UGT2B15: variants seen among roughly 807,000 people sequenced by gnomAD.
UGT2B15 encodes the protein UDP-glucuronosyltransferase 2B15.
Under a neutral mutation model 45.9 loss-of-function variants are expected in UGT2B15, and 36 were observed. The observed-to-expected ratio is 0.78, with a 90% confidence interval of 0.60 to 1.04. The LOEUF (loss-of-function observed/expected upper bound fraction) is 1.04. UGT2B15 is among the 50% of genes least tolerant of loss of function. The pLI, the probability that UGT2B15 is intolerant of heterozygous loss-of-function variation, is 0.00. For missense variants in UGT2B15, 617 were observed against 622.4 expected, an observed-to-expected ratio of 0.99 and a Z score of 0.09; for synonymous variants, 219 against 216.4, an observed-to-expected ratio of 1.01 and a Z score of -0.11.
At chr4:68,668,300 A>G in intron 1 of UGT2B15, 112 bp from the exon 2 acceptor site, 4 of 1,490,170 alleles carry the variant, frequency 2.7e-6, no homozygotes, top group Non-Finnish European at 3.6e-6. Context: ...ACATATATAA[A>G]ATGTCTGTGC....
chr4:68,651,900 T>A (rs961464288), intron 5 of UGT2B15, among the ~76,000 whole-genome samples: 4 of 152,118 alleles, frequency 2.6e-5, no homozygotes, highest in African/African-American at 9.7e-5. Context: ...TTTTTTCTAA[T>A]TCTGTGAGGA....
At chr4:68,668,338 A>C (rs1441405457) in intron 1 of UGT2B15, 150 bp from the exon 2 acceptor site, 2 of 1,145,924 alleles carry the variant, frequency 1.7e-6, no homozygotes, top group African/African-American at 1.6e-5. Flanking sequence ...AAATACATTT[A>C]TATATAGTCA....
chr4:68,660,723 C>A (rs1198249823), intron 3 of UGT2B15, among the ~76,000 whole-genome samples: 5 of 152,024 alleles, frequency 3.3e-5, no homozygotes, highest in South Asian at 4.1e-4. Context: ...CATGGCGACA[C>A]GTCTTCAAAA....
intron 5 of UGT2B15, among the ~76,000 whole-genome samples, chr4:68,649,810 A>G (rs11249489): frequency 0.49 from 73,937 of 151,550 alleles, 21,117 homozygotes; most frequent in Non-Finnish European, 0.64. Context: ...TAATGTGAGT[A>G]CTGGTAGGTT....
chr4:68,662,987 A>G, intron 3 of UGT2B15, 21 bp downstream of exon 3: 1 of 1,350,580 alleles, frequency 7.4e-7, no homozygotes, highest in Non-Finnish European at 1.0e-6. Flanking sequence ...AGCCATCCAC[A>G]GTTAAGGCAC....
rs149826166 is a variant in UGT2B15, at chr4:68,659,408, T to C, written c.1005+3600A>G. On this transcript the variant is annotated intron_variant, in intron 3 of 5. Coordinates refer to ENST00000338206, the MANE Select transcript of UGT2B15 (RefSeq NM_001076.4). ...AACATCCAAAAATGACATAATTTGG[T>C]TTATTTTGTATAAAAATTATACAGG... 5.7e-3 allele frequency among the ~76,000 whole-genome samples: 868 copies of C among 152,078 alleles called. 12 individuals carry two copies. Among genetic ancestry groups the C allele is most frequent in the African/African-American group, 0.019 (808 of 41,516 alleles).
chr4:68,654,132 G>A lies in UGT2B15; in HGVS notation c.1218C>T (p.His406=), dbSNP rs757986948. The A allele has an allele frequency of 1.2e-6, 2 of 1,613,662 alleles. No individual in the cohort carries two copies. Among genetic ancestry groups the A allele is most frequent in the Non-Finnish European group, 1.7e-6 (2 of 1,179,726 alleles). Residue 406 remains histidine (H), a synonymous_variant, in exon 5 of 6, where the codon CAC becomes CAT. Transcript: ENST00000338206. Reference sequence around the variant, plus strand: ...TGAGGGCTGCTCCCTTGGCTTTCATGTGAGCAATGTTATCATGTTGATCCG... The same window carrying A: ...TGAGGGCTGCTCCCTTGGCTTTCATATGAGCAATGTTATCATGTTGATCCG... The part of the protein sequence containing the change: ...LFADQHDNIA[H]MKAKGAALSV...
chr4:68,664,865 G>A (rs1733075542), intron 2 of UGT2B15, among the ~76,000 whole-genome samples: 1 of 152,006 alleles, frequency 6.6e-6, no homozygotes, highest in African/African-American at 2.4e-5. Flanking sequence ...TGCCTGGCCT[G>A]ACATCAGTTT....
chr4:68,660,949 G>A (rs1227813571), intron 3 of UGT2B15, among the ~76,000 whole-genome samples: 1 of 151,726 alleles, frequency 6.6e-6, no homozygotes, highest in African/African-American at 2.4e-5. Flanking sequence ...TAATTTTCAA[G>A]GATTTTTCTT....
At chr4:68,647,414 A>T (rs746921127) in intron 5 of UGT2B15, 31 bp from the exon 6 acceptor site, 5 of 1,584,964 alleles carry the variant, frequency 3.2e-6, no homozygotes, top group Non-Finnish European at 4.3e-6. Context: ...TATCAACATT[A>T]AAAGTAAATT....
chr4:68,659,735 G>C (rs1732908233), intron 3 of UGT2B15, among the ~76,000 whole-genome samples: 2 of 151,806 alleles, frequency 1.3e-5, no homozygotes, highest in South Asian at 2.1e-4. Context: ...ATTCTAACAG[G>C]TGCTCTTGAA....
At chr4:68,650,331 G>T (rs1732614436) in intron 5 of UGT2B15, among the ~76,000 whole-genome samples, 1 of 151,842 alleles carries the variant, frequency 6.6e-6, no homozygotes, top group Non-Finnish European at 1.5e-5. Context: ...CCCGGTGTGT[G>T]TTGTTCCCCT....
At chr4:68,651,374 A>G (rs1732650529) in intron 5 of UGT2B15, among the ~76,000 whole-genome samples, 2 of 152,090 alleles carry the variant, frequency 1.3e-5, no homozygotes, top group Non-Finnish European at 2.9e-5. Flanking sequence ...GCGTATGGCT[A>G]GCCGGTTTCT....
Position 68,669,981 on chromosome 4 carries a change from T to C in UGT2B15, c.638A>G (p.Lys213Arg), listed in dbSNP as rs930042075. 2.5e-6 allele frequency: 4 copies of C among 1,613,942 alleles called. No individual in the cohort carries two copies. The highest frequency in any genetic ancestry group is 2.5e-6 in the Non-Finnish European group (3 of 1,179,948). Residue 213 changes from lysine (K) to arginine (R), a missense_variant, in exon 1 of 6, where the codon AAA becomes AGA. By Grantham distance (26) the Lys-to-Arg change is conservative. Transcript: ENST00000338206. ...AAAATAAAGCATATGTATCATATTTTTTATCCTCTCCATGAAAATCATTTG... is the reference window on the plus strand; with the variant it reads ...AAAATAAAGCATATGTATCATATTTCTTATCCTCTCCATGAAAATCATTTG... ...SDQMIFMERI[K>R]NMIHMLYFDF... is the part of the protein sequence containing the mutation.
intron 5 of UGT2B15, among the ~76,000 whole-genome samples, chr4:68,650,713 G>A (rs1288166490): frequency 2.6e-5 from 4 of 152,002 alleles, no homozygotes; most frequent in Non-Finnish European, 5.9e-5. Flanking sequence ...GGTCTTTGAG[G>A]AATCACCACA....
At chr4:68,664,968 T>C (rs1302660790) in intron 2 of UGT2B15, among the ~76,000 whole-genome samples, 1 of 152,182 alleles carries the variant, frequency 6.6e-6, no homozygotes, top group Non-Finnish European at 1.5e-5. Context: ...ACATTTAATG[T>C]AACTTGAGTT....
At chr4:68,665,939 C>T (rs978644982) in intron 2 of UGT2B15, among the ~76,000 whole-genome samples, 2 of 151,960 alleles carry the variant, frequency 1.3e-5, no homozygotes, top group South Asian at 2.1e-4. Context: ...CCCAGCTACT[C>T]GGGAGGCTGA....
chr4:68,655,774 T>C (rs1041087479), intron 3 of UGT2B15, among the ~76,000 whole-genome samples: 3 of 152,096 alleles, frequency 2.0e-5, no homozygotes, highest in African/African-American at 4.8e-5. Context: ...AAAACCAAAC[T>C]GTCCCCCCAC....
At chr4:68,656,207 C>T (rs1442868100) in intron 3 of UGT2B15, among the ~76,000 whole-genome samples, 1 of 152,054 alleles carries the variant, frequency 6.6e-6, no homozygotes, top group Admixed American at 6.6e-5. Flanking sequence ...TTTGAGCTCG[C>T]TCCCAGGAGG....
Sources: allele counts gnomAD v4.1 joint callset (sites outside exome capture counted in the v4.1 genomes callset), GRCh38; gene constraint gnomAD v4.1.1; transcripts MANE v1.5; gene names NCBI Gene and HGNC (gene_info 2026-07-23, HGNC 2026-07-21).